Variants in TOX3 observed in about 807,000 individuals in gnomAD.
The protein encoded by TOX3 is TOX high mobility group box family member 3, also known as CAG trinucleotide repeat-containing gene F9 protein.
TOX3 carries 22 observed loss-of-function variants against 64.3 expected under a neutral mutation model. The observed-to-expected ratio is 0.34, with a 90% CI of 0.24 to 0.49. The LOEUF is 0.49. Ranked by LOEUF, TOX3 falls within the 20% of genes least tolerant of loss-of-function variation. The probability of loss-of-function intolerance (pLI) is 0.99; values close to 1 mark genes in which losing one functional copy is unlikely to be tolerated. For synonymous variants in TOX3, 291 were observed against 273.6 expected (o/e 1.06, Z -0.63); for missense variants, 661 against 714.4 (o/e 0.93, Z 0.85).
intron 5 of TOX3, 61 bp downstream of exon 5, chr16:52,445,933 G>A (rs1960148434): frequency 5.4e-6 from 8 of 1,472,814 alleles, no homozygotes; most frequent in African/African-American, 2.8e-5. Context: ...GAAAAGGTGT[G>A]AGGAATATTT....
At chr16:52,478,211 T>A (rs757899610) in intron 1 of TOX3, among the ~76,000 whole-genome samples, 3 of 152,190 alleles carry the variant, frequency 2.0e-5, no homozygotes, top group Non-Finnish European at 4.4e-5. Context: ...CAAGTCCCTA[T>A]ATCATCTGGG....
At chr16:52,501,799 A>G (rs530722845) in intron 1 of TOX3, among the ~76,000 whole-genome samples, 5 of 152,302 alleles carry the variant, frequency 3.3e-5, no homozygotes, top group African/African-American at 1.2e-4. Flanking sequence ...ATGTAAACAG[A>G]TTCCTTTTAA....
At chr16:52,534,097 C>T (rs74017875) in intron 1 of TOX3, among the ~76,000 whole-genome samples, 5,208 of 152,234 alleles carry the variant, frequency 0.034, 328 homozygotes, top group African/African-American at 0.12. Context: ...GTATGAAAGA[C>T]TTGGAATATC....
intron 1 of TOX3, among the ~76,000 whole-genome samples, chr16:52,539,817 A>G (rs375687565): frequency 3.9e-5 from 6 of 152,260 alleles, no homozygotes; most frequent in African/African-American, 1.4e-4. Flanking sequence ...AGGTCTTACC[A>G]TTCGTCCAGG....
chr16:52,483,454 C>T (rs779303295), intron 1 of TOX3, among the ~76,000 whole-genome samples: 10 of 152,112 alleles, frequency 6.6e-5, no homozygotes, highest in Non-Finnish European at 1.0e-4. Flanking sequence ...GTTATAATCT[C>T]CCTTCGTGTG....
intron 3 of TOX3, among the ~76,000 whole-genome samples, chr16:52,463,260 G>A (rs555301782): frequency 6.6e-6 from 1 of 152,128 alleles, no homozygotes; most frequent in African/African-American, 2.4e-5. Flanking sequence ...AAAAATCCCA[G>A]CAGAAGAGTT....
At chr16:52,489,669 T>C (rs1259263895) in intron 1 of TOX3, among the ~76,000 whole-genome samples, 1 of 152,188 alleles carries the variant, frequency 6.6e-6, no homozygotes, top group African/African-American at 2.4e-5. Flanking sequence ...TTCACTATAC[T>C]GAGTTGCAAA....
chr16:52,490,450 T>C (rs1435624514), intron 1 of TOX3, among the ~76,000 whole-genome samples: 3 of 152,070 alleles, frequency 2.0e-5, no homozygotes. Context: ...TATTGCATTG[T>C]TTAAAATAAT....
intron 1 of TOX3, among the ~76,000 whole-genome samples, chr16:52,505,260 T>A (rs552000631): frequency 1.3e-5 from 2 of 152,236 alleles, no homozygotes; most frequent in Admixed American, 1.3e-4. Context: ...TAGTCATCAA[T>A]GCAGTTAAGA....
intron 4 of TOX3, among the ~76,000 whole-genome samples, chr16:52,448,533 C>T (rs1249867591): frequency 2.0e-5 from 3 of 152,146 alleles, no homozygotes; most frequent in Non-Finnish European, 2.9e-5. Flanking sequence ...TGTGAGAAGA[C>T]TGTCAGTGTA....
At chr16:52,509,653 G>A (rs925321066) in intron 1 of TOX3, among the ~76,000 whole-genome samples, 12 of 152,068 alleles carry the variant, frequency 7.9e-5, no homozygotes, top group East Asian at 3.9e-4. Context: ...AATCACACAC[G>A]CCCACTCACA....
rs78588953 is a variant in TOX3, at chr16:52,494,481, G to T, written c.88-25907C>A. Among the ~76,000 whole-genome samples the T allele has an allele frequency of 2.6e-3, 399 of 152,218 alleles. 5 individuals are homozygous for T. Among genetic ancestry groups the T allele is most frequent in the East Asian group, 0.016 (84 of 5,178 alleles). On this transcript the variant is annotated intron_variant, in intron 1 of 6. Coordinates refer to ENST00000219746, the MANE Select transcript of TOX3 (RefSeq NM_001080430.4). ...TACATTTACCTCATTATACATGGTG[G>T]GTTTATGTGTTAACAGCTGTTACGA...
At chr16:52,503,620 A>T (rs1450772898) in intron 1 of TOX3, among the ~76,000 whole-genome samples, 1 of 152,228 alleles carries the variant, frequency 6.6e-6, no homozygotes, top group Non-Finnish European at 1.5e-5. Context: ...TACAAAAAGG[A>T]AAGGCAATCA....
At chr16:52,525,537 AG>A (rs1481759199) in intron 1 of TOX3, among the ~76,000 whole-genome samples, 1 of 152,210 alleles carries the variant, frequency 6.6e-6, no homozygotes, top group African/African-American at 2.4e-5. Context: ...TGCAACCCAA[AG>A]TATCTTTGCT....
intron 1 of TOX3, among the ~76,000 whole-genome samples, chr16:52,529,777 T>G (rs116065137): frequency 0.019 from 2,842 of 152,336 alleles, 80 homozygotes; most frequent in African/African-American, 0.065. Flanking sequence ...GAAGATTCTC[T>G]GTAAATCATC....
intron 1 of TOX3, chr16:52,519,580 C>T: frequency 6.9e-7 from 1 of 1,444,162 alleles, no homozygotes. Flanking sequence ...TGCATCCTAG[C>T]TGAGCAGACG....
chr16:52,479,696 G>A (rs7188075), intron 1 of TOX3, among the ~76,000 whole-genome samples: 4,665 of 152,220 alleles, frequency 0.031, 231 homozygotes, highest in African/African-American at 0.11. Context: ...TGCTAGAATT[G>A]AAAAGACCCC....
chr16:52,489,261 G>A (rs1338168775), intron 1 of TOX3, among the ~76,000 whole-genome samples: 2 of 152,068 alleles, frequency 1.3e-5, no homozygotes, highest in Non-Finnish European at 2.9e-5. Flanking sequence ...AGCAAACACT[G>A]CTGAGCCCCT....
At chr16:52,478,700 C>G (rs777206041) in intron 1 of TOX3, among the ~76,000 whole-genome samples, 1 of 152,208 alleles carries the variant, frequency 6.6e-6, no homozygotes, top group African/African-American at 2.4e-5. Flanking sequence ...TAGCCCAGCT[C>G]TACCACTTAC....
Sources: allele counts gnomAD v4.1 joint callset (sites outside exome capture counted in the v4.1 genomes callset), GRCh38; gene constraint gnomAD v4.1.1; transcripts MANE v1.5; gene names NCBI Gene and HGNC (gene_info 2026-07-23, HGNC 2026-07-21).